The following KCTD8 variants were observed in gnomAD, a reference collection of about 807,000 sequenced individuals.
KCTD8 encodes potassium channel tetramerization domain containing 8.
A neutral mutation model predicts 31.5 loss-of-function variants in KCTD8; 27 were observed. The observed-to-expected ratio is 0.86, with a 90% CI of 0.63 to 1.18. The LOEUF (loss-of-function observed/expected upper bound fraction) is 1.18, where lower values mean the gene tolerates loss of function less well. Ranked by LOEUF, KCTD8 falls within the 50% of genes most tolerant of loss-of-function variation. The probability of loss-of-function intolerance (pLI) is 0.00; values close to 1 mark genes in which losing one functional copy is unlikely to be tolerated. For missense variants in KCTD8, 658 were observed against 647.7 expected, an observed-to-expected ratio of 1.02 and a Z score of -0.17; for synonymous variants, 290 against 280.0, an observed-to-expected ratio of 1.04 and a Z score of -0.36.
At chr4:44,235,191 GTTTT>G (rs34823190) in intron 1 of KCTD8, among the ~76,000 whole-genome samples, 9 of 136,572 alleles carry the variant, frequency 6.6e-5, no homozygotes, top group African/African-American at 2.1e-4. Context: ...AGTGTGCTGA[GTTTT>G]TTTTTTTTTT....
chr4:44,405,551 A>C (rs1023311101), intron 1 of KCTD8, among the ~76,000 whole-genome samples: 4 of 152,050 alleles, frequency 2.6e-5, no homozygotes, highest in African/African-American at 9.7e-5. Flanking sequence ...TACAGGCGTG[A>C]GCCACCGCAC....
At chr4:44,374,342 CAG>C (rs1420420436) in intron 1 of KCTD8, among the ~76,000 whole-genome samples, 2 of 152,146 alleles carry the variant, frequency 1.3e-5, no homozygotes, top group African/African-American at 4.8e-5. Flanking sequence ...TTCACAGAAT[CAG>C]AGTTAGTGTC....
At chr4:44,179,111 C>T (rs112825391) in intron 1 of KCTD8, among the ~76,000 whole-genome samples, 7 of 152,014 alleles carry the variant, frequency 4.6e-5, no homozygotes, top group African/African-American at 1.7e-4. Flanking sequence ...CTAAGATGCA[C>T]TCCATACCAA....
chr4:44,441,021 A>T (rs991926447), intron 1 of KCTD8, among the ~76,000 whole-genome samples: 1 of 152,222 alleles, frequency 6.6e-6, no homozygotes, highest in Non-Finnish European at 1.5e-5. Flanking sequence ...TTGTATGACA[A>T]TCAGACACTA....
At chr4:44,290,728 A>G (rs1717246238) in intron 1 of KCTD8, among the ~76,000 whole-genome samples, 1 of 152,130 alleles carries the variant, frequency 6.6e-6, no homozygotes, top group Admixed American at 6.6e-5. Context: ...GAGCAACAAA[A>G]TTAAAGCCGA....
intron 1 of KCTD8, among the ~76,000 whole-genome samples, chr4:44,181,437 G>A (rs574615362): frequency 7.4e-4 from 112 of 152,278 alleles, no homozygotes; most frequent in Middle Eastern, 3.4e-3. Context: ...TGGTGGAGAC[G>A]GGGTTTCGCT....
In KCTD8 at chr4:44,181,201, C is replaced by T. The variant is rs1411550439; in HGVS notation, c.962-5951G>A. Among the ~76,000 whole-genome samples the T allele has an allele frequency of 9.0e-5, 10 of 110,996 alleles. No homozygotes were observed. In the East Asian group the frequency reaches 3.4e-3, roughly 38 times the overall value. 72.8% of individuals were successfully genotyped at this position (110,996 alleles called of 152,430 possible). ...TGGTCTCCCTCTCCCTCTCTTTCCACGGTCTCCCTCTCCCTCTCTTTCCAC... is the reference window on the plus strand; with the variant it reads ...TGGTCTCCCTCTCCCTCTCTTTCCATGGTCTCCCTCTCCCTCTCTTTCCAC... On this transcript the variant is annotated intron_variant, in intron 1 of 1. Coordinates refer to ENST00000360029, the MANE Select transcript of KCTD8 (RefSeq NM_198353.3).
At chr4:44,331,019 A>G (rs375145112) in intron 1 of KCTD8, among the ~76,000 whole-genome samples, 1 of 151,970 alleles carries the variant, frequency 6.6e-6, no homozygotes, top group African/African-American at 2.4e-5. Flanking sequence ...AGACAGGAAA[A>G]ATTTCACTTT....
At chr4:44,280,589 G>T (rs1716879362) in intron 1 of KCTD8, among the ~76,000 whole-genome samples, 1 of 152,056 alleles carries the variant, frequency 6.6e-6, no homozygotes, top group Non-Finnish European at 1.5e-5. Flanking sequence ...ACTCCCCTAG[G>T]CTAAGGATAC....
At chr4:44,273,234 A>G (rs892601347) in intron 1 of KCTD8, among the ~76,000 whole-genome samples, 1 of 152,020 alleles carries the variant, frequency 6.6e-6, no homozygotes, top group African/African-American at 2.4e-5. Flanking sequence ...CATTTTCTCT[A>G]TGTGACCATA....
intron 1 of KCTD8, among the ~76,000 whole-genome samples, chr4:44,282,996 T>C (rs1716941030): frequency 6.6e-6 from 1 of 150,956 alleles, no homozygotes. Flanking sequence ...CTAAGATAAT[T>C]GAGGAAAGTG....
chr4:44,302,121 C>G (rs1577603251), intron 1 of KCTD8, among the ~76,000 whole-genome samples: 1 of 152,138 alleles, frequency 6.6e-6, no homozygotes, highest in South Asian at 2.1e-4. Flanking sequence ...GTTACTGTAG[C>G]CTTGTAGTAT....
chr4:44,242,165 G>T (rs1027459712), intron 1 of KCTD8, among the ~76,000 whole-genome samples: 1 of 152,140 alleles, frequency 6.6e-6, no homozygotes, highest in Non-Finnish European at 1.5e-5. Flanking sequence ...CTATGTACAA[G>T]ATACTATTTT....
chr4:44,378,315 CTTTA>C (rs1719971074), intron 1 of KCTD8, among the ~76,000 whole-genome samples: 1 of 149,152 alleles, frequency 6.7e-6, no homozygotes, highest in African/African-American at 2.5e-5. Flanking sequence ...CTCTGATCTG[CTTTA>C]TTTTTCACTG....
intron 1 of KCTD8, among the ~76,000 whole-genome samples, chr4:44,259,025 T>C (rs1484195274): frequency 1.3e-5 from 2 of 151,950 alleles, no homozygotes; most frequent in Non-Finnish European, 2.9e-5. Flanking sequence ...AATTTCTAAA[T>C]AATTTCTAAA....
In KCTD8 at chr4:44,275,930, C is replaced by T. The variant is rs569533435; in HGVS notation, c.962-100680G>A. ...CATAAGACATTAATTAACAAATTTG[C>T]ATCAGTGTAGCAAATATTTAGTAAA... On this transcript the variant is annotated intron_variant, in intron 1 of 1. Coordinates refer to ENST00000360029, the MANE Select transcript of KCTD8 (RefSeq NM_198353.3). 2.0e-5 allele frequency among the ~76,000 whole-genome samples: 3 copies of T among 152,104 alleles called. No homozygotes were observed. In the East Asian group the frequency reaches 5.8e-4, roughly 29 times the overall value.
intron 1 of KCTD8, among the ~76,000 whole-genome samples, chr4:44,337,599 G>A (rs562465719): frequency 5.9e-5 from 9 of 151,392 alleles, no homozygotes; most frequent in East Asian, 3.9e-4. Flanking sequence ...GTTTGAATCC[G>A]GGAGGAGGAG....
chr4:44,281,891 T>C (rs1716915011), intron 1 of KCTD8, among the ~76,000 whole-genome samples: 1 of 152,242 alleles, frequency 6.6e-6, no homozygotes, highest in Non-Finnish European at 1.5e-5. Flanking sequence ...GTCTAGTATA[T>C]TTGAAATATT....
chr4:44,283,818 T>C (rs562854085), intron 1 of KCTD8, among the ~76,000 whole-genome samples: 1 of 152,244 alleles, frequency 6.6e-6, no homozygotes, highest in African/African-American at 2.4e-5. Context: ...TCACAAGCAT[T>C]CCTGTACATC....
Sources: allele counts gnomAD v4.1 joint callset (sites outside exome capture counted in the v4.1 genomes callset), GRCh38; gene constraint gnomAD v4.1.1; transcripts MANE v1.5; gene names NCBI Gene and HGNC (gene_info 2026-07-23, HGNC 2026-07-21).